DTNBP1: variants seen among roughly 807,000 people sequenced by gnomAD.
DTNBP1 encodes dysbindin.
A neutral mutation model predicts 42.8 loss-of-function variants in DTNBP1; 35 were observed. The observed-to-expected ratio is 0.82, with a 90% CI of 0.63 to 1.09. The LOEUF is 1.09. Among genes scored for constraint, DTNBP1 ranks in the 50% least tolerant of loss-of-function variants. The pLI is 0.00. For synonymous variants in DTNBP1, 171 were observed against 162.2 expected (o/e 1.05, Z -0.41); for missense variants, 457 against 424.2 (o/e 1.08, Z -0.68).
chr6:15,634,361 G>T (rs1480400197), intron 4 of DTNBP1, among the ~76,000 whole-genome samples: 1 of 152,066 alleles, frequency 6.6e-6, no homozygotes, highest in East Asian at 1.9e-4. Context: ...CTGTTACCCA[G>T]CCTAGAGTGC....
intron 7 of DTNBP1, among the ~76,000 whole-genome samples, chr6:15,553,798 T>C (rs1403289536): frequency 6.6e-6 from 1 of 152,078 alleles, no homozygotes; most frequent in African/African-American, 2.4e-5. Context: ...CCCCAAAATA[T>C]GGCACTGTGG....
In DTNBP1 at chr6:15,637,800, C is replaced by CGATA. The variant is rs1223167514; in HGVS notation, c.165_166insTATC (p.Glu56TyrfsTer24). 6.2e-7 allele frequency: 1 copy of CGATA among 1,612,982 alleles called. No individual in the cohort carries two copies. Among genetic ancestry groups the CGATA allele is most frequent in the South Asian group, 1.1e-5 (1 of 91,070 alleles). ...CTGTGAAGTGCAGCCCATGTATCCT[C>CGATA]ATACCTAAAAAAAAGCAAAAAATAA... On this transcript the variant is annotated frameshift_variant, in exon 4 of 10. Transcript: ENST00000344537. LOFTEE classifies it high-confidence loss of function.
At chr6:15,528,402 C>T (rs1772567511) in intron 8 of DTNBP1, among the ~76,000 whole-genome samples, 2 of 152,078 alleles carry the variant, frequency 1.3e-5, no homozygotes, top group African/African-American at 4.8e-5. Context: ...GGCACGACAA[C>T]CAAAATGGGT....
chr6:15,624,448 G>C (rs1759223325), intron 5 of DTNBP1, among the ~76,000 whole-genome samples: 1 of 152,108 alleles, frequency 6.6e-6, no homozygotes, highest in Admixed American at 6.5e-5. Flanking sequence ...ATTCCCAAGG[G>C]GCTAGGTACC....
chr6:15,566,701 CTT>C (rs368168358), intron 7 of DTNBP1, among the ~76,000 whole-genome samples: 15 of 132,924 alleles, frequency 1.1e-4, no homozygotes, highest in East Asian at 2.1e-4. Flanking sequence ...AATGAATCTC[CTT>C]TTTTTTTTTT....
intron 7 of DTNBP1, among the ~76,000 whole-genome samples, chr6:15,560,533 A>G (rs1774787245): frequency 6.6e-6 from 1 of 152,250 alleles, no homozygotes; most frequent in Non-Finnish European, 1.5e-5. Flanking sequence ...CTTTTGTAAC[A>G]GGGCCCAGTT....
chr6:15,585,943 A>C (rs953273904), intron 7 of DTNBP1: 10 of 1,366,952 alleles, frequency 7.3e-6, no homozygotes, highest in Non-Finnish European at 9.4e-6. Flanking sequence ...CTGATGGCTT[A>C]AGCAGATATA....
intron 6 of DTNBP1, among the ~76,000 whole-genome samples, chr6:15,609,330 T>C (rs913568852): frequency 1.3e-5 from 2 of 152,072 alleles, no homozygotes; most frequent in Non-Finnish European, 2.9e-5. Flanking sequence ...TTTTCTTTTT[T>C]TTTTTTCCTG....
intron 7 of DTNBP1, among the ~76,000 whole-genome samples, chr6:15,551,128 G>C (rs951427463): frequency 1.6e-4 from 24 of 152,038 alleles, no homozygotes; most frequent in Non-Finnish European, 3.1e-4. Flanking sequence ...ATAGATGAAG[G>C]GGTAAATGAG....
At chr6:15,532,901 G>C (rs1172245631) in intron 8 of DTNBP1, among the ~76,000 whole-genome samples, 2 of 151,920 alleles carry the variant, frequency 1.3e-5, no homozygotes, top group African/African-American at 2.4e-5. Context: ...GTTTCACCAT[G>C]TTGGCCAGGT....
chr6:15,606,148 A>AG (rs1758037168), intron 6 of DTNBP1, among the ~76,000 whole-genome samples: 1 of 152,232 alleles, frequency 6.6e-6, no homozygotes, highest in Admixed American at 6.5e-5. Flanking sequence ...AACCATCCCT[A>AG]GGCTGTATAT....
chr6:15,559,263 C>T (rs904332755), intron 7 of DTNBP1, among the ~76,000 whole-genome samples: 1 of 152,148 alleles, frequency 6.6e-6, no homozygotes, highest in Non-Finnish European at 1.5e-5. Flanking sequence ...CGAGAAGTTG[C>T]CAAAGAGCTC....
At chr6:15,649,609 C>G (rs935541495) in intron 3 of DTNBP1, among the ~76,000 whole-genome samples, 1 of 152,094 alleles carries the variant, frequency 6.6e-6, no homozygotes, top group African/African-American at 2.4e-5. Context: ...GTACTCAGCA[C>G]TACTAAGCTT....
intron 4 of DTNBP1, among the ~76,000 whole-genome samples, chr6:15,629,697 C>G (rs1189968598): frequency 6.6e-6 from 1 of 152,148 alleles, no homozygotes; most frequent in Non-Finnish European, 1.5e-5. Context: ...TTAAACCACA[C>G]AGCAACTCTA....
intron 3 of DTNBP1, among the ~76,000 whole-genome samples, chr6:15,644,808 C>T (rs920163035): frequency 3.9e-5 from 6 of 151,920 alleles, no homozygotes; most frequent in Non-Finnish European, 8.8e-5. Context: ...ATTTACAGTG[C>T]TCCATGACTA....
intron 7 of DTNBP1, among the ~76,000 whole-genome samples, chr6:15,557,246 ATTT>A (rs34529397): frequency 5.2e-5 from 7 of 135,062 alleles, no homozygotes; most frequent in Non-Finnish European, 8.0e-5. Flanking sequence ...GGGGGTGGGA[ATTT>A]TTTTTTTTTT....
At chr6:15,582,468 T>C (rs1775883042) in intron 7 of DTNBP1, among the ~76,000 whole-genome samples, 1 of 152,208 alleles carries the variant, frequency 6.6e-6, no homozygotes, top group Admixed American at 6.5e-5. Flanking sequence ...AATAAGTAGT[T>C]TCTTTTCACT....
At chr6:15,584,365 T>G (rs1775968273) in intron 7 of DTNBP1, among the ~76,000 whole-genome samples, 1 of 152,110 alleles carries the variant, frequency 6.6e-6, no homozygotes, top group African/African-American at 2.4e-5. Flanking sequence ...AATATGTCAT[T>G]TATCATACAT....
At chr6:15,652,409 A>G (rs1761053418) in intron 1 of DTNBP1, among the ~76,000 whole-genome samples, 1 of 151,736 alleles carries the variant, frequency 6.6e-6, no homozygotes, top group Non-Finnish European at 1.5e-5. Flanking sequence ...CTCATACCCC[A>G]TGCCTCAAAT....
Sources: allele counts gnomAD v4.1 joint callset (sites outside exome capture counted in the v4.1 genomes callset), GRCh38; gene constraint gnomAD v4.1.1; transcripts MANE v1.5; gene names NCBI Gene and HGNC (gene_info 2026-07-23, HGNC 2026-07-21).